The following NSMCE2 variants were observed in gnomAD, a reference collection of about 807,000 sequenced individuals.
NSMCE2 encodes NSE2 SUMO ligase component of SMC5/6 complex.
NSMCE2 carries 24 observed loss-of-function variants against 23.8 expected under a neutral mutation model. The observed-to-expected ratio is 1.01, with a 90% confidence interval of 0.73 to 1.42. The LOEUF is 1.42. Among genes scored for constraint, NSMCE2 ranks in the 40% most tolerant of loss-of-function variants. NSMCE2 has a pLI of 0.00. For synonymous variants in NSMCE2, 92 were observed against 94.1 expected, an observed-to-expected ratio of 0.98 and a Z score of 0.13; for missense variants, 284 against 296.5, an observed-to-expected ratio of 0.96 and a Z score of 0.31.
intron 7 of NSMCE2, 35 bp downstream of exon 7, chr8:125,357,853 C>T (rs1246865593): frequency 7.0e-7 from 1 of 1,436,822 alleles, no homozygotes; most frequent in East Asian, 2.3e-5. Flanking sequence ...GGAGCCTTCC[C>T]TAGTGGTAGT....
intron 3 of NSMCE2, among the ~76,000 whole-genome samples, chr8:125,104,380 G>A (rs1586429695): frequency 1.3e-5 from 2 of 152,188 alleles, no homozygotes; most frequent in Admixed American, 1.3e-4. Context: ...TTATCGTTAA[G>A]CTTTGTTAGG....
intron 5 of NSMCE2, among the ~76,000 whole-genome samples, chr8:125,190,697 C>T (rs987607651): frequency 3.9e-5 from 6 of 152,154 alleles, no homozygotes; most frequent in African/African-American, 9.7e-5. Context: ...CTGCATTCAT[C>T]TTAGGTTTGC....
At chr8:125,301,657 T>G (rs867533010) in intron 5 of NSMCE2, among the ~76,000 whole-genome samples, 170 of 149,540 alleles carry the variant, frequency 1.1e-3, no homozygotes, top group African/African-American at 3.9e-3. Context: ...AAGCCATTTT[T>G]TTTTTTTTTT....
At chr8:125,280,964 G>A (rs1827667287) in intron 5 of NSMCE2, among the ~76,000 whole-genome samples, 1 of 152,178 alleles carries the variant, frequency 6.6e-6, no homozygotes, top group Non-Finnish European at 1.5e-5. Flanking sequence ...TTCCTGAATG[G>A]TAGCACAGCT....
intron 5 of NSMCE2, among the ~76,000 whole-genome samples, chr8:125,188,580 C>T (rs879909314): frequency 3.0e-4 from 45 of 152,328 alleles, no homozygotes; most frequent in Admixed American, 2.2e-3. Flanking sequence ...ATTTTAAAAA[C>T]ACTGTTCAAA....
At chr8:125,175,120 A>T (rs757033987) in intron 4 of NSMCE2, among the ~76,000 whole-genome samples, 3 of 151,982 alleles carry the variant, frequency 2.0e-5, no homozygotes, top group Non-Finnish European at 4.4e-5. Context: ...GAACAACTTT[A>T]CCAAGTTTTT....
intron 7 of NSMCE2, among the ~76,000 whole-genome samples, chr8:125,360,224 A>C (rs915864554): frequency 2.0e-5 from 3 of 152,196 alleles, no homozygotes; most frequent in African/African-American, 7.2e-5. Context: ...AGGTCCCAGC[A>C]ATACAGCCCC....
rs2130358886 is a variant in NSMCE2, at chr8:125,102,301, G to T, written c.-14-16G>T. 6.3e-7 allele frequency: 1 copy of T among 1,584,056 alleles called. No individual in the cohort carries two copies. The highest frequency in any genetic ancestry group is 1.1e-5 in the South Asian group (1 of 90,076). ...TCTGACTTACGAATCTTGTTTCATT[G>T]TGTTTGAAAACTTAGGTACTAATTT... On this transcript the variant is annotated splice_polypyrimidine_tract_variant and intron_variant, in intron 2 of 7. Transcript: ENST00000287437.
At chr8:125,280,387 C>T (rs1029471714) in intron 5 of NSMCE2, among the ~76,000 whole-genome samples, 6 of 152,160 alleles carry the variant, frequency 3.9e-5, no homozygotes, top group African/African-American at 9.7e-5. Flanking sequence ...CTTTCTAAAA[C>T]ATTTACCTAA....
At chr8:125,154,626 TA>T (rs1172830924) in intron 4 of NSMCE2, among the ~76,000 whole-genome samples, 1 of 152,160 alleles carries the variant, frequency 6.6e-6, no homozygotes, top group Non-Finnish European at 1.5e-5. Flanking sequence ...ACTTTCAGGT[TA>T]AATGGGTTTT....
chr8:125,163,113 T>C (rs1016383762), intron 4 of NSMCE2, among the ~76,000 whole-genome samples: 2 of 152,106 alleles, frequency 1.3e-5, no homozygotes, highest in African/African-American at 4.8e-5. Context: ...ACACTTGTAA[T>C]CCCAACACTT....
rs527597437 is a variant in NSMCE2, at chr8:125,204,556, G to T, written c.418+22300G>T. Among the ~76,000 whole-genome samples, 42 of 152,212 alleles carry T rather than the reference G, an allele frequency of 2.8e-4. 1 individual carries two copies. The South Asian group carries it at 8.7e-3, about 32-fold the overall frequency. On this transcript the variant is annotated intron_variant, in intron 5 of 7. Coordinates refer to ENST00000287437, the MANE Select transcript of NSMCE2 (RefSeq NM_173685.4). ...TTCCCCGTACACAAAGTATTAAGTT[G>T]ACCATACTTCTTATATTTGATAGTT...
At chr8:125,320,303 A>AGGAAGGAAGGAAGGAAGGGAG (rs1554637742) in intron 5 of NSMCE2, among the ~76,000 whole-genome samples, 1 of 117,964 alleles carries the variant, frequency 8.5e-6, no homozygotes, top group Admixed American at 9.6e-5. Context: ...GAAGGAAGGA[A>AGGAAGGAAGGAAGGAAGGGAG]GGAAGGGAAG....
At chr8:125,239,456 A>G (rs1363387767) in intron 5 of NSMCE2, among the ~76,000 whole-genome samples, 2 of 151,980 alleles carry the variant, frequency 1.3e-5, no homozygotes, top group Non-Finnish European at 2.9e-5. Context: ...TAAAACTACA[A>G]AAATTAGCTG....
At chr8:125,331,895 T>A (rs1272618889) in intron 5 of NSMCE2, among the ~76,000 whole-genome samples, 4 of 152,234 alleles carry the variant, frequency 2.6e-5, no homozygotes, top group Non-Finnish European at 5.9e-5. Context: ...TAAACTTCAG[T>A]CAGATATGGC....
intron 5 of NSMCE2, among the ~76,000 whole-genome samples, chr8:125,224,035 G>A (rs115409532): frequency 0.018 from 2,725 of 151,984 alleles, 80 homozygotes; most frequent in African/African-American, 0.063. Context: ...GAGGAGGTCT[G>A]GCTGTTTTCA....
At chr8:125,330,464 C>A (rs1054316577) in intron 5 of NSMCE2, among the ~76,000 whole-genome samples, 1 of 152,074 alleles carries the variant, frequency 6.6e-6, no homozygotes, top group Non-Finnish European at 1.5e-5. Context: ...GTGTCAGTCA[C>A]CATGCCCAGC....
chr8:125,111,565 C>T (rs909577435), intron 3 of NSMCE2, among the ~76,000 whole-genome samples: 10 of 152,040 alleles, frequency 6.6e-5, no homozygotes, highest in Admixed American at 1.3e-4. Context: ...TTTGGGAGGC[C>T]GAGGCGGGCG....
intron 5 of NSMCE2, among the ~76,000 whole-genome samples, chr8:125,203,502 C>T (rs1022281981): frequency 6.6e-6 from 1 of 152,148 alleles, no homozygotes; most frequent in Non-Finnish European, 1.5e-5. Context: ...TGTTAATAGA[C>T]TTTATTCTTA....
Sources: gnomAD v4.1 joint callset for allele counts (sites outside exome capture counted in the v4.1 genomes callset) on GRCh38, gnomAD v4.1.1 for gene constraint, MANE v1.5 for transcripts, NCBI Gene and HGNC (gene_info 2026-07-23, HGNC 2026-07-21) for gene names.